The following SCN9A variants were observed in gnomAD, a reference collection of about 807,000 sequenced individuals.
The protein encoded by SCN9A is sodium voltage-gated channel alpha subunit 9.
A neutral mutation model predicts 187.0 loss-of-function variants in SCN9A; 131 were observed. That is an observed-to-expected ratio of 0.70 (90% CI 0.61 to 0.81). The LOEUF (loss-of-function observed/expected upper bound fraction) is 0.81, where lower values mean the gene tolerates loss of function less well. SCN9A is among the 30% of genes least tolerant of loss of function. The pLI, the probability that SCN9A is intolerant of heterozygous loss-of-function variation, is 0.00. For synonymous variants in SCN9A, 809 were observed against 808.6 expected (o/e 1.00, Z -0.01); for missense variants, 2,252 against 2,396.6 (o/e 0.94, Z 1.26).
chr2:166,238,115 C>G lies in SCN9A; in HGVS notation c.3780G>C (p.Trp1260Cys), dbSNP rs1553481071. ...CTACATCAACAATTAGGAAATCCAG[C>G]CAACACCAGGCATTGGTGAAATATG... ...YKTYFTNAWC[W>C]LDFLIVDVSL... is the part of the protein sequence containing the mutation. The change falls in exon 20 of 27, where the codon TGG (tryptophan) becomes TGC (cysteine). Residue 1260 changes from tryptophan (W) to cysteine (C), a missense_variant. Around this residue, in one of 7 missense-constraint regions of SCN9A, gnomAD observed 10 missense variants for 27.8 expected, o/e 0.36. Transcript: ENST00000642356. 6.2e-7 allele frequency: 1 copy of G among 1,610,830 alleles called. No individual in the cohort carries two copies. The highest frequency in any genetic ancestry group is 1.1e-5 in the South Asian group (1 of 90,500).
At chr2:166,342,463 T>A (rs1699808977) in intron 1 of SCN9A, among the ~76,000 whole-genome samples, 1 of 152,174 alleles carries the variant, frequency 6.6e-6, no homozygotes, top group Non-Finnish European at 1.5e-5. Flanking sequence ...TAATTAAGTG[T>A]TACAAACATT....
At chr2:166,217,646 T>C (rs1443709702) in intron 24 of SCN9A, among the ~76,000 whole-genome samples, 1 of 151,982 alleles carries the variant, frequency 6.6e-6, no homozygotes, top group Non-Finnish European at 1.5e-5. Flanking sequence ...AAAATGCAAA[T>C]TAAAATCCCA....
At chr2:166,364,129 A>G (rs867695397) in intron 1 of SCN9A, among the ~76,000 whole-genome samples, 1 of 151,696 alleles carries the variant, frequency 6.6e-6, no homozygotes, top group South Asian at 2.1e-4. Context: ...ACAATAAAAT[A>G]TCACTTCACA....
Position 166,311,689 on chromosome 2 carries a change from A to T in SCN9A, c.68T>A (p.Ile23Asn), listed in dbSNP as rs1389373425. The T allele has an allele frequency of 8.7e-6, 14 of 1,613,176 alleles. No homozygotes were observed. In the South Asian group the frequency reaches 8.8e-5, roughly 10 times the overall value. Reference protein sequence around the residue: ...VHFTKQSLALIEQRIAERKSK... With the variant: ...VHFTKQSLALNEQRIAERKSK... ...TTTTCTTTCAGCAATGCGTTGTTCA[A>T]TGAGGGCAAGAGACTGTTTTGTGAA... Residue 23 changes from isoleucine (I) to asparagine (N), a missense_variant, in exon 2 of 27, where the codon ATT becomes AAT. This residue lies in a region of SCN9A where 1,013 missense variants were observed against 997.4 expected (regional missense o/e 1.02). Coordinates refer to ENST00000642356, the MANE Select transcript of SCN9A (RefSeq NM_001365536.1).
intron 2 of SCN9A, among the ~76,000 whole-genome samples, chr2:166,311,025 C>G (rs1283182761): frequency 9.8e-6 from 1 of 102,240 alleles, no homozygotes; most frequent in Non-Finnish European, 1.9e-5. Context: ...CATATTCTCA[C>G]TCATAGGTGG....
Position 166,286,589 on chromosome 2 carries a change from A to T in SCN9A, c.1349T>A (p.Ile450Asn), listed in dbSNP as rs1258991294. The change falls in exon 11 of 27, where the codon ATT becomes AAT. Residue 450 changes from isoleucine (I) to asparagine (N), a missense_variant. Ile to Asn is a moderately radical substitution (Grantham distance 149). Transcript: ENST00000642356. ...GAGGCCCATAATTCTGCTTCTCCTA[A>T]TACTTGTATATTCAGCCGCTGCCGC... ...IAAAAAEYTS[I>N]RRSRIMGLSE... 2 of 1,582,160 alleles carry T rather than the reference A, an allele frequency of 1.3e-6. No homozygotes were observed. Among genetic ancestry groups the T allele is most frequent in the Admixed American group, 3.8e-5 (2 of 52,680 alleles).
chr2:166,331,597 T>C (rs973388766), intron 1 of SCN9A, among the ~76,000 whole-genome samples: 1 of 152,212 alleles, frequency 6.6e-6, no homozygotes, highest in Admixed American at 6.5e-5. Flanking sequence ...CTAATATTTT[T>C]CCTCAACATA....
intron 18 of SCN9A, among the ~76,000 whole-genome samples, chr2:166,249,656 G>A (rs1020677234): frequency 2.6e-5 from 4 of 151,974 alleles, no homozygotes; most frequent in African/African-American, 9.7e-5. Context: ...AATAATCTCA[G>A]AGTATTCACA....
chr2:166,219,443 A>G lies in SCN9A; in HGVS notation c.4398+7124T>C, dbSNP rs536421514. Among the ~76,000 whole-genome samples the G allele has an allele frequency of 1.8e-4, 27 of 152,258 alleles. No homozygotes were observed. In the South Asian group the frequency reaches 5.6e-3, roughly 32 times the overall value. On this transcript the variant is annotated intron_variant, in intron 24 of 26. Coordinates refer to ENST00000642356, the MANE Select transcript of SCN9A (RefSeq NM_001365536.1). Reference sequence around the variant, plus strand: ...AGGGACATGAATGGAGCTGGAGGCCATTTTCATTAGTAAACTAAGGCAGGA... The same window carrying G: ...AGGGACATGAATGGAGCTGGAGGCCGTTTTCATTAGTAAACTAAGGCAGGA...
intron 21 of SCN9A, 27 bp from the exon 22 acceptor site, chr2:166,228,999 G>A (rs200991794): frequency 1.9e-5 from 30 of 1,577,566 alleles, no homozygotes; most frequent in Non-Finnish European, 2.3e-5. Flanking sequence ...AGAAAAGCAT[G>A]ATTAGGATTA....
At chr2:166,203,436 G>A (rs1010359295) in intron 26 of SCN9A, among the ~76,000 whole-genome samples, 9 of 151,882 alleles carry the variant, frequency 5.9e-5, no homozygotes, top group African/African-American at 2.2e-4. Flanking sequence ...CACCATGGCT[G>A]GTTGAGGAAT....
chr2:166,235,223 G>C (rs1022058169), intron 20 of SCN9A, among the ~76,000 whole-genome samples: 8 of 152,092 alleles, frequency 5.3e-5, no homozygotes. Flanking sequence ...TAATAGGTCT[G>C]TTCTCCAAGC....
rs1261242254 is a variant in SCN9A, at chr2:166,253,836, C to T, written c.3352-1951G>A. Among the ~76,000 whole-genome samples, 12 of 151,834 alleles carry T rather than the reference C, an allele frequency of 7.9e-5. No individual in the cohort carries two copies. The East Asian group carries it at 2.3e-3, about 30-fold the overall frequency. On this transcript the variant is annotated intron_variant, in intron 17 of 26. Coordinates refer to ENST00000642356, the MANE Select transcript of SCN9A (RefSeq NM_001365536.1). ...GCTGATAGAAAGAATACAAAGCACC[C>T]CCCTGCTATTAGACACAATATTAAC...
chr2:166,233,055 C>CAT (rs1422335648), intron 21 of SCN9A, among the ~76,000 whole-genome samples: 1 of 146,214 alleles, frequency 6.8e-6, no homozygotes, highest in Non-Finnish European at 1.5e-5. Flanking sequence ...ATGTAATATG[C>CAT]ATATATATAC....
Position 166,289,996 on chromosome 2 carries a change from C to T in SCN9A, c.1108-1353G>A, listed in dbSNP as rs202026170. 8.5e-5 allele frequency among the ~76,000 whole-genome samples: 13 copies of T among 152,220 alleles called. No homozygotes were observed. The East Asian group carries it at 2.3e-3, about 27-fold the overall frequency. On this transcript the variant is annotated intron_variant, in intron 9 of 26. Coordinates refer to ENST00000642356, the MANE Select transcript of SCN9A (RefSeq NM_001365536.1). ...CATGTGCTATGGTGGTTTGCTCCACCTATCAACCCATTATCTAGGTTTTAA... is the reference window on the plus strand; with the variant it reads ...CATGTGCTATGGTGGTTTGCTCCACTTATCAACCCATTATCTAGGTTTTAA...
intron 17 of SCN9A, among the ~76,000 whole-genome samples, chr2:166,252,722 T>C (rs948209174): frequency 6.6e-6 from 1 of 151,736 alleles, no homozygotes; most frequent in Non-Finnish European, 1.5e-5. Context: ...ATAACGCAAA[T>C]AGGTTTTTCT....
At chr2:166,332,815 A>T (rs935212743) in intron 1 of SCN9A, among the ~76,000 whole-genome samples, 2 of 152,110 alleles carry the variant, frequency 1.3e-5, no homozygotes, top group East Asian at 1.9e-4. Flanking sequence ...CACAGATGTA[A>T]ATATAACAAA....
chr2:166,306,874 A>C, intron 3 of SCN9A, 82 bp downstream of exon 3: 1 of 751,274 alleles, frequency 1.3e-6, no homozygotes. Context: ...AAGGTGCAAA[A>C]GGTATAACAT....
At chr2:166,296,578 C>T (rs1381904039) in intron 7 of SCN9A, among the ~76,000 whole-genome samples, 2 of 152,138 alleles carry the variant, frequency 1.3e-5, no homozygotes, top group Non-Finnish European at 2.9e-5. Context: ...TAGAATTATC[C>T]TTTAAACTAA....
Sources: gnomAD v4.1 joint callset for allele counts (sites outside exome capture counted in the v4.1 genomes callset) on GRCh38, gnomAD v4.1.1 for gene constraint, gnomAD v4.1.1 regional missense constraint, MANE v1.5 for transcripts, NCBI Gene and HGNC (gene_info 2026-07-23, HGNC 2026-07-21) for gene names.